Variants in ARFGEF1 observed in about 807,000 individuals in gnomAD.
ARFGEF1 encodes the protein ARF guanine nucleotide exchange factor 1, also known as brefeldin A-inhibited guanine nucleotide-exchange protein 1.
ARFGEF1 carries 42 observed loss-of-function variants against 231.0 expected under a neutral mutation model. The observed-to-expected ratio is 0.18, with a 90% CI of 0.14 to 0.24. ARFGEF1 has a LOEUF of 0.24. Ranked by LOEUF, ARFGEF1 falls within the 10% of genes least tolerant of loss-of-function variation. The pLI is 1.00. For synonymous variants in ARFGEF1, 710 were observed against 732.3 expected, an observed-to-expected ratio of 0.97 and a Z score of 0.49; for missense variants, 1,345 against 2,192.0, an observed-to-expected ratio of 0.61 and a Z score of 7.72.
intron 1 of ARFGEF1, among the ~76,000 whole-genome samples, chr8:67,313,069 T>C (rs1807145570): frequency 6.6e-6 from 1 of 152,150 alleles, no homozygotes; most frequent in African/African-American, 2.4e-5. Flanking sequence ...ATACAAATAT[T>C]ACATTAAATA....
rs377423199 is a variant in ARFGEF1, at chr8:67,184,744, T to TATAATAATAATAATAATAATAATA, written c.561-9196_561-9173dup. Among the ~76,000 whole-genome samples the TATAATAATAATAATAATAATAATA allele has an allele frequency of 6.3e-3, 895 of 142,488 alleles. 8 individuals are homozygous for TATAATAATAATAATAATAATAATA. The highest frequency in any genetic ancestry group is 0.022 in the African/African-American group (841 of 38,056). 93.5% of individuals were successfully genotyped at this position (142,488 alleles called of 152,430 possible). A position where few individuals can be genotyped will look rare whatever the true frequency, so the allele number is the denominator to read the frequency against. On this transcript the variant is annotated intron_variant, in intron 5 of 5. Coordinates refer to the ARFGEF1 transcript ENST00000518789. ...GTCTAAAAAAATAATAATAAAAAAA[T>TATAATAATAATAATAATAATAATA]ATAATAATAATAATAATAATAATAA...
In ARFGEF1 at chr8:67,227,434, A is replaced by G; in HGVS notation, c.3743+13T>C. 1 of 1,609,710 alleles carries G rather than the reference A, an allele frequency of 6.2e-7. No homozygotes were observed. Among genetic ancestry groups the G allele is most frequent in the East Asian group, 2.2e-5 (1 of 44,762 alleles). ...GATTTTCCTTCTATTAAGCAATTCA[A>G]CAAATATAGTACCTGTTCCGTTTCA... On this transcript the variant is annotated intron_variant, in intron 26 of 38. Transcript: ENST00000262215.
chr8:67,337,839 A>C (rs562114136), intron 1 of ARFGEF1, among the ~76,000 whole-genome samples: 7 of 152,168 alleles, frequency 4.6e-5, no homozygotes, highest in Admixed American at 3.3e-4. Flanking sequence ...CCCTCACCCC[A>C]CTAGAATGTG....
Position 67,230,782 on chromosome 8 carries a change from T to A in ARFGEF1, c.3380+2073A>T, listed in dbSNP as rs532343873. ...TATTCATTATGAAATTGGTCTAATT[T>A]AACAACACATAAAAAATTCTATCCT... is the stretch of plus-strand genomic sequence containing the variant. On this transcript the variant is annotated intron_variant, in intron 23 of 38. Transcript: ENST00000262215. Among the ~76,000 whole-genome samples, 60 of 152,190 alleles carry A rather than the reference T, an allele frequency of 3.9e-4. No homozygotes were observed. In the South Asian group the frequency reaches 0.012, roughly 32 times the overall value.
rs377055704 is a variant in ARFGEF1, at chr8:67,253,642, A to G, written c.2527-20T>C. 1.4e-4 allele frequency: 181 copies of G among 1,308,406 alleles called. No individual in the cohort carries two copies. The highest frequency in any genetic ancestry group is 1.4e-4 in the Non-Finnish European group (133 of 971,300). 81.0% of individuals were successfully genotyped at this position (1,308,406 alleles called of 1,614,324 possible). ...TTTCACCTAGATATGAAAAACCATT[A>G]TAATTCCTAAAAATTAACATAAAGG... On this transcript the variant is annotated intron_variant, in intron 17 of 38. Coordinates refer to ENST00000262215, the MANE Select transcript of ARFGEF1 (RefSeq NM_006421.5).
chr8:67,250,771 G>A (rs1723522223), intron 19 of ARFGEF1, among the ~76,000 whole-genome samples: 1 of 152,182 alleles, frequency 6.6e-6, no homozygotes, highest in South Asian at 2.1e-4. Flanking sequence ...GGAATTTGGA[G>A]AAAGGATAGA....
chr8:67,266,225 G>T lies in ARFGEF1; in HGVS notation c.1922-18C>A, dbSNP rs771753506. 6.2e-7 allele frequency: 1 copy of T among 1,602,254 alleles called. No individual in the cohort carries two copies. ...TTCCTGACCTGAAAGAAGAAAAATT[G>T]ATAGAGTACATTATTCTATCAAAGA... On this transcript the variant is annotated intron_variant, in intron 13 of 38. Coordinates refer to ENST00000262215, the MANE Select transcript of ARFGEF1 (RefSeq NM_006421.5).
At chr8:67,221,989 A>AT (rs1839181111) in intron 29 of ARFGEF1, among the ~76,000 whole-genome samples, 1 of 146,784 alleles carries the variant, frequency 6.8e-6, no homozygotes, top group African/African-American at 2.5e-5. Flanking sequence ...AATTTTTGGT[A>AT]TTTTTAGTAG....
intron 1 of ARFGEF1, among the ~76,000 whole-genome samples, chr8:67,303,831 T>C (rs1047155257): frequency 6.6e-6 from 1 of 152,198 alleles, no homozygotes; most frequent in Non-Finnish European, 1.5e-5. Context: ...TACTACACTT[T>C]ACATATACTA....
At chr8:67,221,571 TTAATA>T (rs1175866583) in intron 29 of ARFGEF1, among the ~76,000 whole-genome samples, 7 of 152,118 alleles carry the variant, frequency 4.6e-5, no homozygotes, top group African/African-American at 1.7e-4. Context: ...AAGCTAAGTG[TTAATA>T]TAAGAGTCAA....
chr8:67,253,718 T>C, intron 17 of ARFGEF1, 96 bp from the exon 18 acceptor site: 1 of 679,794 alleles, frequency 1.5e-6, no homozygotes, highest in East Asian at 3.3e-5. Context: ...ATTTTGTAAA[T>C]ACTTTTGAGG....
In ARFGEF1 at chr8:67,248,321, C is replaced by A. The variant is rs927194309; in HGVS notation, c.2850+2978G>T. Among the ~76,000 whole-genome samples the A allele has an allele frequency of 8.7e-5, 13 of 149,966 alleles. 1 individual carries two copies. Among genetic ancestry groups the A allele is most frequent in the African/African-American group, 3.2e-4 (13 of 40,114 alleles). ...AGATCACTGGAACAGAATAGAGAAC[C>A]CAAAAATGAATCCATACATCTAGTG... is the stretch of plus-strand genomic sequence containing the variant. On this transcript the variant is annotated intron_variant, in intron 19 of 38. Coordinates refer to ENST00000262215, the MANE Select transcript of ARFGEF1 (RefSeq NM_006421.5).
chr8:67,300,065 C>A (rs1806409985), intron 3 of ARFGEF1, among the ~76,000 whole-genome samples: 1 of 152,118 alleles, frequency 6.6e-6, no homozygotes, highest in Non-Finnish European at 1.5e-5. Flanking sequence ...TTATATGACC[C>A]CCAATCTCTT....
At chr8:67,343,119 GCCC>G in intron 1 of ARFGEF1, 42 bp downstream of exon 1, 1 of 205,294 alleles carries the variant, frequency 4.9e-6, no homozygotes, top group Non-Finnish European at 6.7e-6. Context: ...CCCCCTCCCC[GCCC>G]CACAACAAGC....
chr8:67,313,886 T>G (rs1348758173), intron 1 of ARFGEF1, among the ~76,000 whole-genome samples: 1 of 152,056 alleles, frequency 6.6e-6, no homozygotes, highest in Non-Finnish European at 1.5e-5. Context: ...GACCATCAGG[T>G]GGAGGCAGGG....
intron 13 of ARFGEF1, 84 bp downstream of exon 13, chr8:67,266,792 T>G (rs1023111389): frequency 3.3e-6 from 3 of 922,416 alleles, no homozygotes; most frequent in Non-Finnish European, 4.9e-6. Context: ...TGTCATGAAA[T>G]TGGTTTAACA....
At chr8:67,281,400 A>G (rs1805530955) in intron 7 of ARFGEF1, among the ~76,000 whole-genome samples, 1 of 152,168 alleles carries the variant, frequency 6.6e-6, no homozygotes, top group Non-Finnish European at 1.5e-5. Flanking sequence ...CCATGCACAC[A>G]CAGTCACGTA....
At chr8:67,333,526 T>C (rs972414840) in intron 1 of ARFGEF1, among the ~76,000 whole-genome samples, 1 of 151,858 alleles carries the variant, frequency 6.6e-6, no homozygotes, top group Non-Finnish European at 1.5e-5. Context: ...GTTACCCAGG[T>C]TGGTATTGAA....
intron 20 of ARFGEF1, 55 bp from the exon 21 acceptor site, chr8:67,238,948 A>C (rs897789582): frequency 1.5e-6 from 2 of 1,346,034 alleles, no homozygotes; most frequent in Non-Finnish European, 2.0e-6. Context: ...AGACTGATTA[A>C]TTCCCCACCA....
Sources: allele counts gnomAD v4.1 joint callset (sites outside exome capture counted in the v4.1 genomes callset), GRCh38; gene constraint gnomAD v4.1.1; transcripts MANE v1.5; gene names NCBI Gene and HGNC (gene_info 2026-07-23, HGNC 2026-07-21).